The following RGS12 variants were observed in gnomAD, a reference collection of about 807,000 sequenced individuals.
The protein encoded by RGS12 is regulator of G protein signaling 12, also known as regulator of G-protein signaling 12.
In RGS12, 66 loss-of-function variants were observed where a neutral mutation model predicts 120.1. The observed-to-expected ratio is 0.55, with a 90% CI of 0.45 to 0.67. The LOEUF is 0.67. Among genes scored for constraint, RGS12 ranks in the 30% least tolerant of loss-of-function variants. The pLI is 0.00. For synonymous variants in RGS12, 827 were observed against 804.7 expected, an observed-to-expected ratio of 1.03 and a Z score of -0.47; for missense variants, 1,859 against 1,957.7, an observed-to-expected ratio of 0.95 and a Z score of 0.95.
At chr4:3,334,547 A>G (rs1247058171) in intron 2 of RGS12, among the ~76,000 whole-genome samples, 2 of 152,174 alleles carry the variant, frequency 1.3e-5, no homozygotes. Context: ...ACAAAAAATT[A>G]ATGGTAGAAC....
At chr4:3,307,017 T>G (rs1346813504) in intron 1 of RGS12, among the ~76,000 whole-genome samples, 1 of 152,232 alleles carries the variant, frequency 6.6e-6, no homozygotes, top group Non-Finnish European at 1.5e-5. Flanking sequence ...TTTGGTTTCC[T>G]TCTCATCACA....
chr4:3,387,788 A>G (rs1487897749), intron 4 of RGS12, among the ~76,000 whole-genome samples: 1 of 152,208 alleles, frequency 6.6e-6, no homozygotes, highest in African/African-American at 2.4e-5. Context: ...GGCAGAAGAC[A>G]TTCATTTCTT....
chr4:3,434,451 G>A (rs1724618366), intron 17 of RGS12, among the ~76,000 whole-genome samples: 1 of 152,172 alleles, frequency 6.6e-6, no homozygotes, highest in Non-Finnish European at 1.5e-5. Context: ...CGTGTGGCAT[G>A]TGTCGGTGTG....
At chr4:3,387,188 C>T (rs1234787627) in intron 4 of RGS12, among the ~76,000 whole-genome samples, 2 of 152,252 alleles carry the variant, frequency 1.3e-5, no homozygotes, top group Non-Finnish European at 2.9e-5. Flanking sequence ...AATAGGTGCA[C>T]CTGGCATCGC....
At chr4:3,328,000 C>T (rs147083562) in intron 2 of RGS12, among the ~76,000 whole-genome samples, 7 of 152,156 alleles carry the variant, frequency 4.6e-5, no homozygotes, top group Non-Finnish European at 1.0e-4. Flanking sequence ...AAGTGTCCAT[C>T]GGTGGATGAA....
upstream of RGS12, among the ~76,000 whole-genome samples, chr4:3,288,999 C>T (rs990134004): frequency 6.6e-6 from 1 of 152,152 alleles, no homozygotes; most frequent in African/African-American, 2.4e-5. This position sits in a 1 kb window ranked among gnomAD's most constrained non-coding sequence, Gnocchi z 5.2. Context: ...GGAAGTGCAT[C>T]TACCTGCCTC....
chr4:3,378,176 A>C (rs192217171), intron 3 of RGS12: 1 of 152,238 alleles, frequency 6.6e-6, no homozygotes, highest in African/African-American at 2.4e-5. Flanking sequence ...ACAGTGGTCC[A>C]CATGTGCCAG....
intron 1 of RGS12, among the ~76,000 whole-genome samples, chr4:3,313,230 C>T (rs963752192): frequency 1.3e-5 from 2 of 152,136 alleles, no homozygotes; most frequent in Non-Finnish European, 2.9e-5. Context: ...GCGGATGGTG[C>T]GAATAAACTG....
intron 2 of RGS12, among the ~76,000 whole-genome samples, chr4:3,332,083 A>G (rs1243565597): frequency 6.6e-6 from 1 of 152,218 alleles, no homozygotes; most frequent in Non-Finnish European, 1.5e-5. Flanking sequence ...AGCTGGGATC[A>G]CTAGGACAGA....
At chr4:3,319,477 C>T (rs886767604) in intron 2 of RGS12, among the ~76,000 whole-genome samples, 2 of 152,060 alleles carry the variant, frequency 1.3e-5, no homozygotes, top group Non-Finnish European at 2.9e-5. Context: ...TGTCCAGGCT[C>T]AAGTGCAGTG....
chr4:3,406,181 G>A (rs6816622), intron 4 of RGS12, among the ~76,000 whole-genome samples: 1 of 152,214 alleles, frequency 6.6e-6, no homozygotes, highest in South Asian at 2.1e-4. Context: ...GAGGTGACCG[G>A]CCAGAAAGGA....
In RGS12 at chr4:3,382,964, C is replaced by G. The variant is rs576230975; in HGVS notation, c.1999-3452C>G. Among the ~76,000 whole-genome samples, 6 of 152,268 alleles carry G rather than the reference C, an allele frequency of 3.9e-5. No individual in the cohort carries two copies. In the South Asian group the frequency reaches 1.0e-3, roughly 26 times the overall value. On this transcript the variant is annotated intron_variant, in intron 3 of 17. Coordinates refer to ENST00000336727, the MANE Select transcript of RGS12 (RefSeq NM_001394154.1). ...TCATTGTTGTCTCTGCTGATACCCA[C>G]TCATGCTGGGCTTCTCCTTGGGTTT...
chr4:3,416,596 C>T, intron 7 of RGS12, among the ~76,000 whole-genome samples: 1 of 152,162 alleles, frequency 6.6e-6, no homozygotes, highest in East Asian at 1.9e-4. Flanking sequence ...TTTCTAGTCG[C>T]TTTTGGTTTT....
intron 1 of RGS12, among the ~76,000 whole-genome samples, chr4:3,306,403 A>G (rs1201815622): frequency 1.3e-5 from 2 of 152,160 alleles, no homozygotes; most frequent in Non-Finnish European, 2.9e-5. Flanking sequence ...TCACTCCACC[A>G]TGGGGAGTGT....
intron 2 of RGS12, among the ~76,000 whole-genome samples, chr4:3,326,044 A>G (rs1462151338): frequency 6.6e-6 from 1 of 152,210 alleles, no homozygotes; most frequent in African/African-American, 2.4e-5. Context: ...GCCATCTATG[A>G]CAAACCCACA....
At chr4:3,324,897 C>T (rs1396432773) in intron 2 of RGS12, 1 of 152,164 alleles carries the variant, frequency 6.6e-6, no homozygotes, top group Non-Finnish European at 1.5e-5. Context: ...AATTTTGTAT[C>T]TTAATAGACC....
intron 4 of RGS12, among the ~76,000 whole-genome samples, chr4:3,408,842 G>A (rs1721428266): frequency 6.6e-6 from 1 of 152,166 alleles, no homozygotes; most frequent in South Asian, 2.1e-4. Flanking sequence ...CGCTTGCTGT[G>A]GCCTCACACT....
At chr4:3,292,141 G>A (rs751549983), upstream of RGS12, among the ~76,000 whole-genome samples, 15 of 152,256 alleles carry the variant, frequency 9.9e-5, no homozygotes, top group Non-Finnish European at 2.1e-4. Flanking sequence ...CGCGGCGGGA[G>A]AGAATGAGGG....
chr4:3,317,923 A>G lies in RGS12; in HGVS notation c.1753A>G (p.Arg585Gly). 6.2e-7 allele frequency: 1 copy of G among 1,614,154 alleles called. No individual in the cohort carries two copies. Among genetic ancestry groups the G allele is most frequent in the Non-Finnish European group, 8.5e-7 (1 of 1,180,038 alleles). The change falls in exon 2 of 18, where the codon AGG (arginine) becomes GGG (glycine). Residue 585 changes from arginine to glycine, a missense_variant. By Grantham distance (125) the Arg-to-Gly change is moderately radical. Around this residue, in one of 3 missense-constraint regions of RGS12, gnomAD observed 967 missense variants for 994.2 expected, o/e 0.97. Transcript: ENST00000336727. ...PMSKIPADRYRVEGSFAQPPL... is the reference protein window; with the variant it reads ...PMSKIPADRYGVEGSFAQPPL... ...GAGCAAGATCCCCGCAGACCGCTAC[A>G]GGGTGGAGGGCAGCTTCGCGCAGCC...
Sources: allele counts gnomAD v4.1 joint callset (sites outside exome capture counted in the v4.1 genomes callset), GRCh38; gene constraint gnomAD v4.1.1; regional missense constraint gnomAD v4.1.1; non-coding constraint Gnocchi (gnomAD v3.1); transcripts MANE v1.5; gene names NCBI Gene and HGNC (gene_info 2026-07-23, HGNC 2026-07-21).